The following RELN variants were observed in gnomAD, a reference collection of about 807,000 sequenced individuals.
The protein encoded by RELN is reelin.
RELN carries 108 observed loss-of-function variants against 427.6 expected under a neutral mutation model. The observed-to-expected ratio is 0.25, with a 90% CI of 0.22 to 0.30. The LOEUF is 0.30. RELN is among the 10% of genes least tolerant of loss of function. RELN has a pLI of 1.00. For synonymous variants in RELN, 1,524 were observed against 1,513.4 expected, an observed-to-expected ratio of 1.01 and a Z score of -0.16; for missense variants, 3,715 against 4,302.8, an observed-to-expected ratio of 0.86 and a Z score of 3.82.
At chr7:103,773,120 CTTTCTTTCTTT>C in intron 4 of RELN, among the ~76,000 whole-genome samples, 1 of 78,932 alleles carries the variant, frequency 1.3e-5, no homozygotes, top group East Asian at 5.0e-4. Context: ...TTCTTTCTTT[CTTTCTTTCTTT>C]CTTTCTTTCT....
At chr7:103,894,427 T>C (rs574695763) in intron 2 of RELN, among the ~76,000 whole-genome samples, 17 of 152,300 alleles carry the variant, frequency 1.1e-4, no homozygotes, top group African/African-American at 3.8e-4. Context: ...AAGCAGTGCA[T>C]ATTAAATGCT....
chr7:103,675,564 G>A (rs886638172), intron 11 of RELN, among the ~76,000 whole-genome samples: 2 of 152,146 alleles, frequency 1.3e-5, no homozygotes, highest in African/African-American at 4.8e-5. Flanking sequence ...AACCAAAAAA[G>A]AGCCCACATT....
At chr7:103,726,423 C>T (rs565901) in intron 7 of RELN, among the ~76,000 whole-genome samples, 2 of 152,096 alleles carry the variant, frequency 1.3e-5, no homozygotes, top group Admixed American at 1.3e-4. Context: ...CCCAAATGAA[C>T]ATAATTATTT....
chr7:103,636,760 A>G (rs1832592745), intron 17 of RELN, among the ~76,000 whole-genome samples: 1 of 152,236 alleles, frequency 6.6e-6, no homozygotes, highest in South Asian at 2.1e-4. Context: ...CCAACTTAGA[A>G]TATCTGTAAA....
At chr7:103,857,526 A>C (rs2221785) in intron 2 of RELN, among the ~76,000 whole-genome samples, 21,863 of 152,228 alleles carry the variant, frequency 0.14, 1,875 homozygotes, top group East Asian at 0.34. Context: ...GGAACAGGAT[A>C]TGCACACGTA....
chr7:103,831,335 A>G (rs1793268985), intron 3 of RELN, among the ~76,000 whole-genome samples: 1 of 152,150 alleles, frequency 6.6e-6, no homozygotes, highest in South Asian at 2.1e-4. Flanking sequence ...TGAACATCAT[A>G]TAATTCAAGG....
intron 11 of RELN, among the ~76,000 whole-genome samples, chr7:103,673,115 T>C (rs1833430862): frequency 6.6e-6 from 1 of 152,160 alleles, no homozygotes; most frequent in African/African-American, 2.4e-5. Flanking sequence ...CTCTAATTTA[T>C]CACATTACTG....
chr7:103,933,180 C>A (rs543064345), intron 1 of RELN, among the ~76,000 whole-genome samples: 2 of 152,262 alleles, frequency 1.3e-5, no homozygotes, highest in East Asian at 3.9e-4. Context: ...CATACAGACA[C>A]AGCAGACATA....
At chr7:103,707,517 TGAGATG>T (rs1357152943) in intron 8 of RELN, among the ~76,000 whole-genome samples, 1 of 151,728 alleles carries the variant, frequency 6.6e-6, no homozygotes, top group Non-Finnish European at 1.5e-5. Context: ...TTTTTTTTTT[TGAGATG>T]GAGTCTCGCT....
intron 18 of RELN, among the ~76,000 whole-genome samples, chr7:103,635,908 G>C (rs558531082): frequency 2.6e-4 from 39 of 152,266 alleles, no homozygotes; most frequent in African/African-American, 9.4e-4. Context: ...GGAAGTTGTA[G>C]AGTAAATCTA....
chr7:103,789,624 C>T lies in RELN; in HGVS notation c.474-12997G>A, dbSNP rs990454765. On this transcript the variant is annotated intron_variant, in intron 3 of 64. Transcript: ENST00000428762. Reference sequence around the variant, plus strand: ...TCATTAGAGAAATGCAAATCAAAACCGCAATGAGATACCATCTCACACCAG... The same window carrying T: ...TCATTAGAGAAATGCAAATCAAAACTGCAATGAGATACCATCTCACACCAG... 3.9e-5 allele frequency among the ~76,000 whole-genome samples: 6 copies of T among 152,122 alleles called. No individual in the cohort carries two copies. In the South Asian group the frequency reaches 6.2e-4, roughly 16 times the overall value.
In RELN at chr7:103,988,217, G is replaced by A. The variant is rs1797144121; in HGVS notation, c.226+914C>T. ...GTTCAGAAGTCCCAGAAGAAATACA[G>A]AAAAGAGACATTTTTTATTTTTCCA... is the stretch of plus-strand genomic sequence containing the variant. On this transcript the variant is annotated intron_variant, in intron 1 of 64. Coordinates refer to ENST00000428762, the MANE Select transcript of RELN (RefSeq NM_005045.4). The surrounding 1 kb of genome is among the most constrained non-coding windows in gnomAD (Gnocchi z 4.9). Among the ~76,000 whole-genome samples, 1 of 152,152 alleles carries A rather than the reference G, an allele frequency of 6.6e-6. No homozygotes were observed. Among genetic ancestry groups the A allele is most frequent in the African/African-American group, 2.4e-5 (1 of 41,436 alleles).
rs1323932323 is a variant in RELN at position 103,630,856 on chromosome 7, T to TTG, written c.2466-681_2466-680insCA. ...AAGGGCTGAGTTATTTTTTTGTTTTTTTTGTTTTTTTTTTTTTTGTTTTTT... is the reference window on the plus strand; with the variant it reads ...AAGGGCTGAGTTATTTTTTTGTTTTTTGTTTGTTTTTTTTTTTTTTGTTTTTT... On this transcript the variant is annotated intron_variant, in intron 19 of 64. Transcript: ENST00000428762. Among the ~76,000 whole-genome samples, 52 of 83,582 alleles carry TTG rather than the reference T, an allele frequency of 6.2e-4. 1 individual carries two copies. Among genetic ancestry groups the TTG allele is most frequent in the East Asian group, 4.4e-3 (12 of 2,732 alleles). The allele number at this position is 83,582 out of a possible 152,430, so 54.8% of individuals were successfully genotyped here. A position where few individuals can be genotyped will look rare whatever the true frequency, so the allele number is the denominator to read the frequency against.
chr7:103,764,561 G>C (rs950805063), intron 4 of RELN, among the ~76,000 whole-genome samples: 3 of 152,060 alleles, frequency 2.0e-5, no homozygotes. Context: ...AAGAAGGCCA[G>C]GCATGGTGGC....
In RELN at chr7:103,677,697, C is replaced by T. The variant is rs143395099; in HGVS notation, c.1289+4419G>A. 9.1e-3 allele frequency among the ~76,000 whole-genome samples: 1,165 copies of T among 127,634 alleles called. 17 individuals carry two copies. The highest frequency in any genetic ancestry group is 0.031 in the African/African-American group (1,042 of 33,706). 83.7% of individuals were successfully genotyped at this position (127,634 alleles called of 152,430 possible). A position where few individuals can be genotyped will look rare whatever the true frequency, so the allele number is the denominator to read the frequency against. Reference sequence around the variant, plus strand: ...ACGAGAATCACTGAAACCCAGGAGGCGGAGGTTGCAGTAAGCTGATATAGC... The same window carrying T: ...ACGAGAATCACTGAAACCCAGGAGGTGGAGGTTGCAGTAAGCTGATATAGC... On this transcript the variant is annotated intron_variant, in intron 11 of 64. Transcript: ENST00000428762.
chr7:103,790,985 C>A (rs906323667), intron 3 of RELN, among the ~76,000 whole-genome samples: 9 of 151,318 alleles, frequency 5.9e-5, no homozygotes, highest in South Asian at 4.2e-4. Context: ...AAACAAAAAA[C>A]CAAAAAAAGA....
At position 103,539,179 on chromosome 7, in the gene RELN, G is replaced by C. The variant is rs1830121864; in HGVS notation, c.7079C>G (p.Ala2360Gly). 2 of 1,614,216 alleles carry C rather than the reference G, an allele frequency of 1.2e-6. No homozygotes were observed. The highest frequency in any genetic ancestry group is 1.7e-6 in the Non-Finnish European group (2 of 1,180,044). Residue 2360 changes from alanine to glycine, a missense_variant, in exon 45 of 65, where the codon GCC (alanine) becomes GGC (glycine). Transcript: ENST00000428762. ...TGDALVFIEK[A>G]STRYVVSTDV... ...TGTGCTGACCACGTAACGGGTGCTGGCCTTTTCAATGAAGACCAGGGCATC... is the reference window on the plus strand; with the variant it reads ...TGTGCTGACCACGTAACGGGTGCTGCCCTTTTCAATGAAGACCAGGGCATC...
At chr7:103,976,462 A>T (rs117550039) in intron 1 of RELN, among the ~76,000 whole-genome samples, 46 of 152,352 alleles carry the variant, frequency 3.0e-4, no homozygotes, top group Non-Finnish European at 6.6e-4. Context: ...GGCTGAGGCA[A>T]TGGCAAATTC....
At chr7:103,554,270 T>A (rs1190073753) in intron 38 of RELN, among the ~76,000 whole-genome samples, 1 of 151,704 alleles carries the variant, frequency 6.6e-6, no homozygotes, top group Admixed American at 6.6e-5. Context: ...TGTCAGTACT[T>A]TGTATATTGT....
Sources: allele counts gnomAD v4.1 joint callset (sites outside exome capture counted in the v4.1 genomes callset), GRCh38; gene constraint gnomAD v4.1.1; non-coding constraint Gnocchi (gnomAD v3.1); transcripts MANE v1.5; gene names NCBI Gene and HGNC (gene_info 2026-07-23, HGNC 2026-07-21).